INSR: variants seen among roughly 807,000 people sequenced by gnomAD.
INSR encodes the protein IR.
Under a neutral mutation model 142.6 loss-of-function variants are expected in INSR, and 67 were observed. The observed-to-expected ratio is 0.47, with a 90% CI of 0.39 to 0.58. INSR has a LOEUF of 0.58. INSR is among the 20% of genes least tolerant of loss of function. INSR has a pLI of 0.00. For synonymous variants in INSR, 756 were observed against 743.1 expected (o/e 1.02, Z -0.28); for missense variants, 1,248 against 1,833.2 (o/e 0.68, Z 5.83).
Position 7,168,200 on chromosome 19 carries a change from G to A in INSR, c.1484-106C>T. On this transcript the variant is annotated intron_variant, in intron 6 of 21. Coordinates refer to ENST00000302850, the MANE Select transcript of INSR (RefSeq NM_000208.4). The surrounding 1 kb of genome is among the most constrained non-coding windows in gnomAD (Gnocchi z 4.3). ...GGAGGGACCGTGAGAAGGCAGAGGT[G>A]ACGCTGCTATTCCCTTAAGGGTCTC... 2 of 1,165,066 alleles carry A rather than the reference G, an allele frequency of 1.7e-6. No homozygotes were observed. The highest frequency in any genetic ancestry group is 2.5e-6 in the Non-Finnish European group (2 of 785,486). 72.2% of individuals were successfully genotyped at this position (1,165,066 alleles called of 1,614,324 possible).
chr19:7,151,687 A>AAAAAAG (rs1186757795), intron 10 of INSR, among the ~76,000 whole-genome samples: 1 of 151,268 alleles, frequency 6.6e-6, no homozygotes, highest in Non-Finnish European at 1.5e-5. Flanking sequence ...ACATGCAACA[A>AAAAAAG]AAAAAGAAAA....
At chr19:7,242,520 T>C (rs922061934) in intron 2 of INSR, among the ~76,000 whole-genome samples, 2 of 151,838 alleles carry the variant, frequency 1.3e-5, no homozygotes, top group African/African-American at 4.8e-5. Flanking sequence ...GGCAGATCAC[T>C]TGAGGTCAGG....
intron 1 of INSR, among the ~76,000 whole-genome samples, chr19:7,282,176 C>T (rs202187816): frequency 6.6e-6 from 1 of 151,682 alleles, no homozygotes; most frequent in Non-Finnish European, 1.5e-5. Context: ...ACCAGCCTGG[C>T]CAACATGGTG....
intron 2 of INSR, among the ~76,000 whole-genome samples, chr19:7,197,813 A>T (rs1383903289): frequency 1.2e-5 from 1 of 81,690 alleles, no homozygotes; most frequent in Non-Finnish European, 2.3e-5. Flanking sequence ...AGAGTGGGAG[A>T]GAGAGCGAGA....
chr19:7,205,163 T>A (rs1975074147), intron 2 of INSR, among the ~76,000 whole-genome samples: 2 of 152,238 alleles, frequency 1.3e-5, no homozygotes, highest in South Asian at 4.1e-4. Context: ...AGATCTGAGC[T>A]CCTACGGAGT....
At chr19:7,199,091 G>T (rs151032237) in intron 2 of INSR, among the ~76,000 whole-genome samples, 1 of 152,018 alleles carries the variant, frequency 6.6e-6, no homozygotes, top group Non-Finnish European at 1.5e-5. Context: ...TCGTTGCCCA[G>T]GCTGGTTTAG....
chr19:7,271,372 C>T (rs1014796385), intron 1 of INSR, among the ~76,000 whole-genome samples: 4 of 151,892 alleles, frequency 2.6e-5, no homozygotes, highest in Admixed American at 1.3e-4. Flanking sequence ...TGGTGGCAGG[C>T]GCATGTAGTT....
intron 2 of INSR, among the ~76,000 whole-genome samples, chr19:7,218,124 C>T (rs7245562): frequency 0.11 from 16,362 of 151,890 alleles, 1,213 homozygotes; most frequent in East Asian, 0.26. Flanking sequence ...CGTTCCACCT[C>T]CATAGGAAAA....
intron 13 of INSR, among the ~76,000 whole-genome samples, chr19:7,134,537 C>T (rs1022219046): frequency 2.6e-5 from 4 of 151,702 alleles, no homozygotes; most frequent in African/African-American, 7.3e-5. Flanking sequence ...GGGGCCAAGG[C>T]GGGCAGATCA....
chr19:7,213,786 G>A (rs888423361), intron 2 of INSR, among the ~76,000 whole-genome samples: 2 of 152,144 alleles, frequency 1.3e-5, no homozygotes, highest in Non-Finnish European at 2.9e-5. Context: ...TCAGGAGTTC[G>A]AGACCAGCCT....
At chr19:7,221,429 C>T (rs112198067) in intron 2 of INSR, among the ~76,000 whole-genome samples, 3,039 of 148,328 alleles carry the variant, frequency 0.02, 81 homozygotes, top group East Asian at 0.13. Context: ...AAGAAGAAGG[C>T]TGGGCGCAGT....
intron 3 of INSR, among the ~76,000 whole-genome samples, chr19:7,178,459 G>A (rs778406546): frequency 2.0e-5 from 3 of 152,110 alleles, no homozygotes; most frequent in Admixed American, 2.0e-4. Context: ...AGTGCCTCAC[G>A]CCTGTAATCC....
At chr19:7,284,801 T>A (rs1968303907) in intron 1 of INSR, among the ~76,000 whole-genome samples, 2 of 152,202 alleles carry the variant, frequency 1.3e-5, no homozygotes, top group Non-Finnish European at 2.9e-5. Context: ...GCGCTGGGCA[T>A]GAGCCACTGC....
At chr19:7,151,759 C>T (rs1973369239) in intron 10 of INSR, among the ~76,000 whole-genome samples, 1 of 151,552 alleles carries the variant, frequency 6.6e-6, no homozygotes, top group Admixed American at 6.6e-5. Flanking sequence ...AAAGTCTGCT[C>T]GGATGAATAG....
intron 2 of INSR, among the ~76,000 whole-genome samples, chr19:7,238,087 C>T (rs1055825765): frequency 1.3e-5 from 2 of 152,120 alleles, no homozygotes; most frequent in Non-Finnish European, 2.9e-5. Context: ...ACAGACTTGA[C>T]CTGGCCAAAC....
intron 2 of INSR, among the ~76,000 whole-genome samples, chr19:7,201,103 C>A (rs1214014358): frequency 1.3e-5 from 2 of 151,946 alleles, no homozygotes; most frequent in Non-Finnish European, 2.9e-5. Context: ...GAGTTTCAAC[C>A]TATTGATGTT....
chr19:7,231,207 A>G (rs1297282797), intron 2 of INSR, among the ~76,000 whole-genome samples: 1 of 152,174 alleles, frequency 6.6e-6, no homozygotes, highest in East Asian at 1.9e-4. Flanking sequence ...AGAGGGGGGA[A>G]GAATTAATTT....
rs1018576986 is a variant in INSR at position 7,150,888 on chromosome 19, C to G, written c.2232-356G>C. Among the ~76,000 whole-genome samples, 1 of 152,004 alleles carries G rather than the reference C, an allele frequency of 6.6e-6. No homozygotes were observed. Among genetic ancestry groups the G allele is most frequent in the African/African-American group, 2.4e-5 (1 of 41,402 alleles). On this transcript the variant is annotated intron_variant, in intron 10 of 21. Transcript: ENST00000302850. This position sits in a 1 kb window ranked among gnomAD's most constrained non-coding sequence, Gnocchi z 4.2. ...TTCTTTCTTCTTTCTCTCTCTCTTT[C>G]TGGTTTCTTTCCTCTTTCTCCTTTT...
At chr19:7,219,230 C>A (rs1285002383) in intron 2 of INSR, among the ~76,000 whole-genome samples, 1 of 152,118 alleles carries the variant, frequency 6.6e-6, no homozygotes, top group Admixed American at 6.6e-5. Context: ...GTTGCAGGGA[C>A]CAGATATATT....
Sources: gnomAD v4.1 joint callset for allele counts (sites outside exome capture counted in the v4.1 genomes callset) on GRCh38, gnomAD v4.1.1 for gene constraint, Gnocchi (gnomAD v3.1) non-coding constraint, MANE v1.5 for transcripts, NCBI Gene and HGNC (gene_info 2026-07-23, HGNC 2026-07-21) for gene names.